Variants in PCDHGA1 observed in about 807,000 individuals in gnomAD.
PCDHGA1 encodes protocadherin gamma subfamily A, 1.
In PCDHGA1, 32 loss-of-function variants were observed where a neutral mutation model predicts 58.0. That is an observed-to-expected ratio of 0.55 (90% confidence interval 0.42 to 0.74). PCDHGA1 has a LOEUF of 0.74. Among genes scored for constraint, PCDHGA1 ranks in the 30% least tolerant of loss-of-function variants. PCDHGA1 has a pLI of 0.00. For synonymous variants in PCDHGA1, 498 were observed against 501.1 expected (o/e 0.99, Z 0.08); for missense variants, 1,205 against 1,182.3 (o/e 1.02, Z -0.28).
chr5:141,506,085 G>A lies in PCDHGA1; in HGVS notation c.2569+604G>A, dbSNP rs532931472. Among the ~76,000 whole-genome samples the A allele has an allele frequency of 2.6e-4, 39 of 152,168 alleles. 1 individual carries two copies. In the South Asian group the frequency reaches 2.9e-3, roughly 11 times the overall value. On this transcript the variant is annotated intron_variant, in intron 3 of 3. Coordinates refer to ENST00000517417, the MANE Select transcript of PCDHGA1 (RefSeq NM_018912.3). ...AGGGCTTCCTTTGTAATAGAGATTC[G>A]GCTAGTGGTGGTTGTCCCTGAAGAG...
At chr5:141,389,069 T>A in intron 1 of PCDHGA1, 1 of 1,614,016 alleles carries the variant, frequency 6.2e-7, no homozygotes, top group Non-Finnish European at 8.5e-7. Flanking sequence ...TATTAACTTC[T>A]TCAAGAAACA....
chr5:141,469,821 G>GTCAC (rs2099212195), intron 1 of PCDHGA1, among the ~76,000 whole-genome samples: 1 of 152,028 alleles, frequency 6.6e-6, no homozygotes, highest in African/African-American at 2.4e-5. Flanking sequence ...TAGAATGGAG[G>GTCAC]TCACATAAAA....
intron 1 of PCDHGA1, chr5:141,357,241 T>G (rs1760519359): frequency 6.2e-7 from 1 of 1,613,712 alleles, no homozygotes; most frequent in Non-Finnish European, 8.5e-7. Context: ...CCTCAAGCCT[T>G]CAGCAGACCC....
chr5:141,393,776 C>G, intron 1 of PCDHGA1: 1 of 1,613,714 alleles, frequency 6.2e-7, no homozygotes, highest in Admixed American at 1.7e-5. Flanking sequence ...AAATACAAGC[C>G]GAAGATGTGG....
intron 1 of PCDHGA1, chr5:141,340,508 G>A: frequency 6.2e-7 from 1 of 1,614,228 alleles, no homozygotes; most frequent in Non-Finnish European, 8.5e-7. Context: ...CGACACTGGA[G>A]TACTCTATGC....
chr5:141,424,692 T>C (rs910540428), intron 1 of PCDHGA1: 2 of 152,004 alleles, frequency 1.3e-5, no homozygotes, highest in African/African-American at 4.8e-5. Context: ...CTTCTGGCTA[T>C]TTTTTTGTTC....
chr5:141,422,996 C>G lies in PCDHGA1; in HGVS notation c.2422-71811C>G. 1.2e-6 allele frequency: 2 copies of G among 1,614,224 alleles called. No homozygotes were observed. The highest frequency in any genetic ancestry group is 1.7e-6 in the Non-Finnish European group (2 of 1,180,046). On this transcript the variant is annotated intron_variant, in intron 1 of 3. Coordinates refer to ENST00000517417, the MANE Select transcript of PCDHGA1 (RefSeq NM_018912.3). ...TCTGCGGAACCTGGCTACCTGGTGA[C>G]CAAGGTGGTTGCGGTGGACAAAGAT...
intron 1 of PCDHGA1, among the ~76,000 whole-genome samples, chr5:141,363,990 A>T (rs1763134181): frequency 6.6e-6 from 1 of 152,268 alleles, no homozygotes; most frequent in South Asian, 2.1e-4. Flanking sequence ...TTAAAGCTGA[A>T]TTAACGGTCA....
intron 1 of PCDHGA1, chr5:141,413,602 G>A (rs1561743581): frequency 6.2e-7 from 1 of 1,613,860 alleles, no homozygotes; most frequent in Non-Finnish European, 8.5e-7. Flanking sequence ...AGAAAATCTA[G>A]ACGTAAAAAT....
Position 141,438,643 on chromosome 5 carries a change from C to CATAT in PCDHGA1, c.2422-56163_2422-56162insTATA, listed in dbSNP as rs1213792286. ...ATATATATATATATATATACACACACACACACACATATATGTATATATATA... is the reference window on the plus strand; with the variant it reads ...ATATATATATATATATATACACACACATATACACACACATATATGTATATATATA... On this transcript the variant is annotated intron_variant, in intron 1 of 3. Transcript: ENST00000517417. Among the ~76,000 whole-genome samples, 345 of 117,382 alleles carry CATAT rather than the reference C, an allele frequency of 2.9e-3. 2 individuals are homozygous for CATAT. Among genetic ancestry groups the CATAT allele is most frequent in the Admixed American group, 6.8e-3 (78 of 11,434 alleles). 77.0% of individuals were successfully genotyped at this position (117,382 alleles called of 152,430 possible). A position where few individuals can be genotyped will look rare whatever the true frequency, so the allele number is the denominator to read the frequency against.
chr5:141,450,568 C>A (rs2098685790), intron 1 of PCDHGA1, among the ~76,000 whole-genome samples: 1 of 152,002 alleles, frequency 6.6e-6, no homozygotes. Flanking sequence ...CTCACTGCAA[C>A]TTCTGCCTCC....
intron 1 of PCDHGA1, chr5:141,346,407 C>T (rs2149740719): frequency 6.2e-7 from 1 of 1,614,270 alleles, no homozygotes; most frequent in Non-Finnish European, 8.5e-7. Context: ...CGAGCCTCTT[C>T]TGATAACTCA....
intron 3 of PCDHGA1, among the ~76,000 whole-genome samples, chr5:141,509,633 GA>G (rs2099877629): frequency 6.6e-6 from 1 of 152,204 alleles, no homozygotes; most frequent in Non-Finnish European, 1.5e-5. Flanking sequence ...GGGTGATGCT[GA>G]GCCAGGGCCA....
chr5:141,403,137 G>C (rs2094359580), intron 1 of PCDHGA1: 1 of 1,614,038 alleles, frequency 6.2e-7, no homozygotes, highest in Non-Finnish European at 8.5e-7. Flanking sequence ...CTGGCGGAGC[G>C]CCGAGTCCGC....
At chr5:141,350,346 A>G in intron 1 of PCDHGA1, 1 of 1,557,504 alleles carries the variant, frequency 6.4e-7, no homozygotes, top group Non-Finnish European at 8.7e-7. Context: ...GCCATCTCCC[A>G]GCAGATCCGA....
At chr5:141,344,920 CAGTG>C in intron 1 of PCDHGA1, 1 of 1,613,888 alleles carries the variant, frequency 6.2e-7, no homozygotes, top group Non-Finnish European at 8.5e-7. Context: ...CATCTTAACT[CAGTG>C]AGTGGAGAAG....
intron 2 of PCDHGA1, among the ~76,000 whole-genome samples, chr5:141,503,365 G>A (rs2099819492): frequency 6.6e-6 from 1 of 152,020 alleles, no homozygotes; most frequent in East Asian, 1.9e-4. Flanking sequence ...GGGAAGCGGA[G>A]GCAGGTGGAT....
At chr5:141,412,861 A>T (rs925106716) in intron 1 of PCDHGA1, 19 of 235,604 alleles carry the variant, frequency 8.1e-5, no homozygotes, top group African/African-American at 3.4e-4. Context: ...CAAAGAATCT[A>T]TGTAAAATAT....
At chr5:141,335,950 T>G (rs1032429667) in intron 1 of PCDHGA1, among the ~76,000 whole-genome samples, 1 of 152,146 alleles carries the variant, frequency 6.6e-6, no homozygotes, top group Non-Finnish European at 1.5e-5. Context: ...CAACTAAAAC[T>G]AATTAGGAGT....
Sources: gnomAD v4.1 joint callset for allele counts (sites outside exome capture counted in the v4.1 genomes callset) on GRCh38, gnomAD v4.1.1 for gene constraint, MANE v1.5 for transcripts, NCBI Gene and HGNC (gene_info 2026-07-23, HGNC 2026-07-21) for gene names.